POC1A: variants seen among roughly 807,000 people sequenced by gnomAD.
POC1A encodes POC1 centriolar protein homolog A.
In POC1A, 34 loss-of-function variants were observed where a neutral mutation model predicts 47.8. That is an observed-to-expected ratio of 0.71 (90% confidence interval 0.54 to 0.95). POC1A has a LOEUF of 0.95. Ranked by LOEUF, POC1A falls within the 40% of genes least tolerant of loss-of-function variation. The pLI, the probability that POC1A is intolerant of heterozygous loss-of-function variation, is 0.00. For missense variants in POC1A, 466 were observed against 528.3 expected, an observed-to-expected ratio of 0.88 and a Z score of 1.16; for synonymous variants, 177 against 207.6, an observed-to-expected ratio of 0.85 and a Z score of 1.27.
intron 7 of POC1A, among the ~76,000 whole-genome samples, chr3:52,137,793 C>T (rs1265623910): frequency 6.6e-6 from 1 of 152,220 alleles, no homozygotes; most frequent in Admixed American, 6.5e-5. Flanking sequence ...TCTAGACACA[C>T]TGATGTCTGC....
Position 52,092,039 on chromosome 3 carries a change from C to T in POC1A, c.1125+4530G>A, listed in dbSNP as rs79095232. Among the ~76,000 whole-genome samples the T allele has an allele frequency of 4.8e-4, 73 of 152,344 alleles. No individual in the cohort carries two copies. The East Asian group carries it at 0.012, about 25-fold the overall frequency. On this transcript the variant is annotated intron_variant, in intron 10 of 10. Coordinates refer to ENST00000296484, the MANE Select transcript of POC1A (RefSeq NM_015426.5). Reference sequence around the variant, plus strand: ...AAGGAGGAACAGTTGCTCCCCACAGCTGGTGGGGATGTGTAAAGCTGAACA... The same window carrying T: ...AAGGAGGAACAGTTGCTCCCCACAGTTGGTGGGGATGTGTAAAGCTGAACA...
chr3:52,152,518 C>A, intron 1 of POC1A, among the ~76,000 whole-genome samples: 2 of 149,354 alleles, frequency 1.3e-5, no homozygotes, highest in East Asian at 4.0e-4. Context: ...TGTAGTGAGC[C>A]GAGATTGCAC....
At chr3:52,109,281 T>G (rs564825404) in intron 9 of POC1A, among the ~76,000 whole-genome samples, 1 of 152,240 alleles carries the variant, frequency 6.6e-6, no homozygotes, top group East Asian at 1.9e-4. Flanking sequence ...ATGGCCTTAT[T>G]TGGAGTAAAA....
At chr3:52,109,483 T>TA (rs1481148383) in intron 9 of POC1A, among the ~76,000 whole-genome samples, 26 of 150,692 alleles carry the variant, frequency 1.7e-4, no homozygotes, top group African/African-American at 6.1e-4. Flanking sequence ...TTTGTTTAAT[T>TA]AAAACAAACA....
chr3:52,127,548 G>A (rs950832731), intron 7 of POC1A, among the ~76,000 whole-genome samples: 4 of 149,246 alleles, frequency 2.7e-5, no homozygotes, highest in South Asian at 2.1e-4. Flanking sequence ...CCGCCACCAC[G>A]CCCAGCTAAA....
chr3:52,103,702 C>CT (rs1010825583), intron 9 of POC1A, among the ~76,000 whole-genome samples: 2 of 152,026 alleles, frequency 1.3e-5, no homozygotes, highest in African/African-American at 4.8e-5. Flanking sequence ...AAATCCAAAA[C>CT]TTCTGCTCTT....
intron 10 of POC1A, among the ~76,000 whole-genome samples, chr3:52,082,101 C>G (rs1702314925): frequency 6.6e-6 from 1 of 151,882 alleles, no homozygotes; most frequent in Non-Finnish European, 1.5e-5. Flanking sequence ...AAGCCTGAGC[C>G]AGCAGCAGAG....
intron 9 of POC1A, among the ~76,000 whole-genome samples, chr3:52,107,955 A>G (rs1320862314): frequency 6.6e-6 from 1 of 152,180 alleles, no homozygotes; most frequent in Non-Finnish European, 1.5e-5. Context: ...CGATGCATTT[A>G]TTATGTATTT....
At chr3:52,128,900 A>G (rs1704111235) in intron 7 of POC1A, among the ~76,000 whole-genome samples, 2 of 152,226 alleles carry the variant, frequency 1.3e-5, no homozygotes, top group Non-Finnish European at 2.9e-5. Context: ...AGTTTCCAGT[A>G]TGCAACATTT....
At chr3:52,125,971 C>A (rs1174339416) in intron 7 of POC1A, among the ~76,000 whole-genome samples, 3 of 152,200 alleles carry the variant, frequency 2.0e-5, no homozygotes, top group Non-Finnish European at 4.4e-5. Flanking sequence ...AAAATCCATC[C>A]CAGAAAGGTG....
At chr3:52,144,779 T>C (rs1341245507) in intron 6 of POC1A, among the ~76,000 whole-genome samples, 1 of 152,206 alleles carries the variant, frequency 6.6e-6, no homozygotes, top group Non-Finnish European at 1.5e-5. Flanking sequence ...GATTAGGATC[T>C]TCTCCCCATT....
intron 2 of POC1A, among the ~76,000 whole-genome samples, chr3:52,150,504 C>T (rs989556982): frequency 6.6e-6 from 1 of 152,118 alleles, no homozygotes; most frequent in South Asian, 2.1e-4. Context: ...AACCAGAAAG[C>T]GCAGTCATAA....
chr3:52,075,742 G>T lies in POC1A; in HGVS notation c.*145C>A. On this transcript the variant is annotated 3_prime_UTR_variant, in exon 11 of 11. Transcript: ENST00000296484. ...GCCTCCTGGTGCAGATAGCAAGGTGGAGGGCAGAACTGCAAAAATCCAGGG... is the reference window on the plus strand; with the variant it reads ...GCCTCCTGGTGCAGATAGCAAGGTGTAGGGCAGAACTGCAAAAATCCAGGG... The T allele has an allele frequency of 1.5e-6, 1 of 676,680 alleles. No homozygotes were observed. The allele number at this position is 676,680 out of a possible 1,614,324, so 41.9% of individuals were successfully genotyped here. A position where few individuals can be genotyped will look rare whatever the true frequency, so the allele number is the denominator to read the frequency against.
At chr3:52,110,936 G>A (rs564512254) in intron 9 of POC1A, among the ~76,000 whole-genome samples, 75 of 152,350 alleles carry the variant, frequency 4.9e-4, no homozygotes, top group Non-Finnish European at 8.5e-4. Flanking sequence ...AAGAGATAAC[G>A]AAGCTCTCAA....
intron 8 of POC1A, among the ~76,000 whole-genome samples, chr3:52,123,869 C>T: frequency 6.6e-6 from 1 of 152,146 alleles, no homozygotes; most frequent in East Asian, 1.9e-4. Context: ...TGTGAAGTTA[C>T]CAGTTTCCCT....
chr3:52,116,193 A>C (rs1703559093), intron 9 of POC1A, among the ~76,000 whole-genome samples: 1 of 152,144 alleles, frequency 6.6e-6, no homozygotes, highest in South Asian at 2.1e-4. Context: ...TCTAGTGCCA[A>C]GAATCTCTGG....
chr3:52,112,071 C>T (rs1482952520), intron 9 of POC1A, among the ~76,000 whole-genome samples: 15 of 152,238 alleles, frequency 9.9e-5, no homozygotes, highest in East Asian at 5.8e-4. Context: ...TAAAACCACA[C>T]GCCTGCCTGT....
intron 4 of POC1A, 42 bp from the exon 5 acceptor site, chr3:52,147,137 C>T (rs542661663): frequency 1.1e-5 from 16 of 1,456,432 alleles, no homozygotes; most frequent in South Asian, 8.0e-5. Context: ...GACTAACAGA[C>T]GACATGGGCA....
At chr3:52,134,228 T>TA (rs945222366) in intron 7 of POC1A, among the ~76,000 whole-genome samples, 3 of 151,760 alleles carry the variant, frequency 2.0e-5, no homozygotes, top group Middle Eastern at 3.4e-3. Flanking sequence ...ATGAAGGGGT[T>TA]AAAAAAAAGA....
Sources: gnomAD v4.1 joint callset for allele counts (sites outside exome capture counted in the v4.1 genomes callset) on GRCh38, gnomAD v4.1.1 for gene constraint, MANE v1.5 for transcripts, NCBI Gene and HGNC (gene_info 2026-07-23, HGNC 2026-07-21) for gene names.